NEK10: variants seen among roughly 807,000 people sequenced by gnomAD.
NEK10 encodes the protein serine/threonine-protein kinase Nek10.
A neutral mutation model predicts 159.8 loss-of-function variants in NEK10; 122 were observed. The ratio of observed to expected loss-of-function variants is 0.76; its 90% CI spans 0.66 to 0.89. NEK10 has a LOEUF of 0.89. Among genes scored for constraint, NEK10 ranks in the 40% least tolerant of loss-of-function variants. NEK10 has a pLI of 0.00. For missense variants in NEK10, 1,342 were observed against 1,323.1 expected (o/e 1.01, Z -0.22); for synonymous variants, 466 against 457.1 (o/e 1.02, Z -0.25).
chr3:27,309,295 C>G (rs1315347057), intron 9 of NEK10: 1 of 180,182 alleles, frequency 5.5e-6, no homozygotes, highest in East Asian at 1.3e-4. Flanking sequence ...TTTATAAACA[C>G]TTTTTGTCAA....
At chr3:27,305,329 G>C (rs2044149946) in intron 11 of NEK10, among the ~76,000 whole-genome samples, 1 of 152,138 alleles carries the variant, frequency 6.6e-6, no homozygotes, top group Non-Finnish European at 1.5e-5. Flanking sequence ...TAAATTATAG[G>C]CTCGTTGCAT....
chr3:27,182,857 T>C (rs868824349), intron 26 of NEK10, among the ~76,000 whole-genome samples: 7 of 152,022 alleles, frequency 4.6e-5, no homozygotes, highest in Admixed American at 1.3e-4. Context: ...TTCCTACTTA[T>C]ACGTGGGAGC....
rs749385358 is a variant in NEK10 at position 27,131,996 on chromosome 3, T to C, written c.2971-6A>G. Reference sequence around the variant, plus strand: ...TGGTGCAAAGCTGGAGGAAGCTGCATAAAATAAGAAAACAATCATTATAAA... The same window carrying C: ...TGGTGCAAAGCTGGAGGAAGCTGCACAAAATAAGAAAACAATCATTATAAA... On this transcript the variant is annotated splice_polypyrimidine_tract_variant and splice_region_variant and intron_variant, in intron 31 of 35. Transcript: ENST00000691995. The C allele has an allele frequency of 1.0e-5, 16 of 1,527,948 alleles. No individual in the cohort carries two copies. Among genetic ancestry groups the C allele is most frequent in the Non-Finnish European group, 1.4e-5 (16 of 1,104,892 alleles). 94.6% of individuals were successfully genotyped at this position (1,527,948 alleles called of 1,614,324 possible). A position where few individuals can be genotyped will look rare whatever the true frequency, so the allele number is the denominator to read the frequency against.
At chr3:27,319,862 A>G (rs1350516725) in intron 6 of NEK10, among the ~76,000 whole-genome samples, 1 of 152,180 alleles carries the variant, frequency 6.6e-6, no homozygotes, top group African/African-American at 2.4e-5. Flanking sequence ...TAATGGGGGC[A>G]GGAGAGGGTT....
intron 32 of NEK10, among the ~76,000 whole-genome samples, chr3:27,124,335 T>C (rs1313774467): frequency 1.3e-5 from 2 of 152,128 alleles, no homozygotes; most frequent in African/African-American, 2.4e-5. Flanking sequence ...GCCCAGAGCT[T>C]AGACTAGATG....
chr3:27,136,202 T>C (rs1943189514), intron 31 of NEK10, among the ~76,000 whole-genome samples: 1 of 133,704 alleles, frequency 7.5e-6, no homozygotes, highest in African/African-American at 2.8e-5. Flanking sequence ...AAGCTCCACC[T>C]CCCAGGTTCA....
At chr3:27,327,708 G>T (rs1381874762) in intron 5 of NEK10, among the ~76,000 whole-genome samples, 1 of 152,186 alleles carries the variant, frequency 6.6e-6, no homozygotes, top group Non-Finnish European at 1.5e-5. Flanking sequence ...AAGTGACAAT[G>T]TTGACTGTAT....
chr3:27,263,544 C>T (rs4303836), intron 22 of NEK10, among the ~76,000 whole-genome samples: 24,912 of 152,168 alleles, frequency 0.16, 2,178 homozygotes, highest in Non-Finnish European at 0.2. Context: ...GCCTCGCTGC[C>T]GCCTTGCAGT....
intron 23 of NEK10, among the ~76,000 whole-genome samples, chr3:27,225,979 A>G (rs770439302): frequency 2.6e-5 from 4 of 152,218 alleles, no homozygotes; most frequent in Non-Finnish European, 5.9e-5. Context: ...AATATGACAA[A>G]TGTACACTGT....
At chr3:27,344,044 T>C (rs1413611972) in intron 5 of NEK10, among the ~76,000 whole-genome samples, 2 of 152,186 alleles carry the variant, frequency 1.3e-5, no homozygotes, top group Non-Finnish European at 2.9e-5. Context: ...AAAGAAAACA[T>C]GATAACGAGT....
chr3:27,327,946 A>C lies in NEK10; in HGVS notation c.363-5685T>G, dbSNP rs2046127585. ...TCTATGCAAAACTTAAAAAAAAAAA[A>C]ACAAGAATATATGTGAAGAAATTCA... On this transcript the variant is annotated intron_variant, in intron 5 of 35. Coordinates refer to ENST00000691995, the MANE Select transcript of NEK10 (RefSeq NM_001394966.1). Among the ~76,000 whole-genome samples, 5 of 151,774 alleles carry C rather than the reference A, an allele frequency of 3.3e-5. No individual in the cohort carries two copies. The South Asian group carries it at 6.2e-4, about 19-fold the overall frequency.
chr3:27,291,665 CAG>C, intron 16 of NEK10, 79 bp from the exon 17 acceptor site: 2 of 822,930 alleles, frequency 2.4e-6, no homozygotes, highest in Non-Finnish European at 4.1e-6. Context: ...TTTTTTGAGA[CAG>C]AGTCTCACTG....
chr3:27,221,065 C>T (rs963659769), intron 23 of NEK10, among the ~76,000 whole-genome samples: 2 of 152,098 alleles, frequency 1.3e-5, no homozygotes, highest in African/African-American at 4.8e-5. Context: ...AACTATAAAA[C>T]TTATGGAAGA....
chr3:27,309,008 G>A lies in NEK10; in HGVS notation c.637-3C>T. Reference sequence around the variant, plus strand: ...GCACCAAGTAAATTTACTAATGTCTGAAAAATGAAGTAAAATAAAGTTTAA... The same window carrying A: ...GCACCAAGTAAATTTACTAATGTCTAAAAAATGAAGTAAAATAAAGTTTAA... On this transcript the variant is annotated splice_polypyrimidine_tract_variant and splice_region_variant and intron_variant, in intron 9 of 35. Transcript: ENST00000691995. The A allele has an allele frequency of 6.7e-7, 1 of 1,501,786 alleles. No individual in the cohort carries two copies. Among genetic ancestry groups the A allele is most frequent in the Non-Finnish European group, 9.2e-7 (1 of 1,083,348 alleles). 93.0% of individuals were successfully genotyped at this position (1,501,786 alleles called of 1,614,324 possible). A position where few individuals can be genotyped will look rare whatever the true frequency, so the allele number is the denominator to read the frequency against.
intron 22 of NEK10, among the ~76,000 whole-genome samples, chr3:27,263,512 A>G (rs2040602842): frequency 6.6e-6 from 1 of 152,140 alleles, no homozygotes. Context: ...AAGCCTCGGC[A>G]ATGGCAGGCA....
chr3:27,228,579 G>A (rs181121842), intron 23 of NEK10, among the ~76,000 whole-genome samples: 2 of 152,226 alleles, frequency 1.3e-5, no homozygotes, highest in East Asian at 1.9e-4. Context: ...GCAGGACAAC[G>A]TGATCTAAGA....
intron 33 of NEK10, among the ~76,000 whole-genome samples, chr3:27,118,708 G>A (rs1940859161): frequency 6.6e-6 from 1 of 152,168 alleles, no homozygotes; most frequent in Non-Finnish European, 1.5e-5. Context: ...GGAGAAGTTT[G>A]ACCTGCAGAT....
At position 27,111,323 on chromosome 3, in the gene NEK10, A is replaced by G; in HGVS notation, c.3300-3T>C. Reference sequence around the variant, plus strand: ...TCCCCCATGGATAGGAATGATACCTATAAGATTCAGAAGTGGAAAGAATTC... The same window carrying G: ...TCCCCCATGGATAGGAATGATACCTGTAAGATTCAGAAGTGGAAAGAATTC... On this transcript the variant is annotated splice_polypyrimidine_tract_variant and splice_region_variant and intron_variant, in intron 35 of 35. Coordinates refer to ENST00000691995, the MANE Select transcript of NEK10 (RefSeq NM_001394966.1). The G allele has an allele frequency of 3.2e-6, 5 of 1,586,504 alleles. No individual in the cohort carries two copies. Among genetic ancestry groups the G allele is most frequent in the Non-Finnish European group, 3.4e-6 (4 of 1,165,456 alleles).
In NEK10 at chr3:27,332,213, G is replaced by A. The variant is rs114245042; in HGVS notation, c.363-9952C>T. Among the ~76,000 whole-genome samples, 1,398 of 152,204 alleles carry A rather than the reference G, an allele frequency of 9.2e-3. 29 individuals carry two copies. Among genetic ancestry groups the A allele is most frequent in the African/African-American group, 0.031 (1,291 of 41,534 alleles). On this transcript the variant is annotated intron_variant, in intron 5 of 35. Coordinates refer to ENST00000691995, the MANE Select transcript of NEK10 (RefSeq NM_001394966.1). ...GAAACCAAGATGTATTTTATTTTAC[G>A]TTTAACAAAATTTAAGTTATACTGC...
Sources: gnomAD v4.1 joint callset for allele counts (sites outside exome capture counted in the v4.1 genomes callset) on GRCh38, gnomAD v4.1.1 for gene constraint, MANE v1.5 for transcripts, NCBI Gene and HGNC (gene_info 2026-07-23, HGNC 2026-07-21) for gene names.